The following CTDP1 variants were observed in gnomAD, a reference collection of about 807,000 sequenced individuals.
CTDP1 encodes the protein RNA polymerase II subunit A C-terminal domain phosphatase.
A neutral mutation model predicts 91.8 loss-of-function variants in CTDP1; 47 were observed. That is an observed-to-expected ratio of 0.51 (90% CI 0.41 to 0.65). The LOEUF is 0.65. Ranked by LOEUF, CTDP1 falls within the 30% of genes least tolerant of loss-of-function variation. The probability of loss-of-function intolerance (pLI) is 0.00; values close to 1 mark genes in which losing one functional copy is unlikely to be tolerated. For synonymous variants in CTDP1, 656 were observed against 598.5 expected (o/e 1.10, Z -1.40); for missense variants, 1,272 against 1,373.7 (o/e 0.93, Z 1.17).
At chr18:79,725,465 C>G (rs2086427063) in intron 10 of CTDP1, among the ~76,000 whole-genome samples, 1 of 151,988 alleles carries the variant, frequency 6.6e-6, no homozygotes, top group African/African-American at 2.4e-5. Context: ...ACAGGACCTG[C>G]TGCGTTTGGG....
At chr18:79,734,581 C>T (rs1395489088) in intron 11 of CTDP1, among the ~76,000 whole-genome samples, 4 of 151,078 alleles carry the variant, frequency 2.6e-5, no homozygotes, top group Admixed American at 1.3e-4. Flanking sequence ...CCAGGTGGGG[C>T]GCCACACTAG....
At position 79,704,633 on chromosome 18, in the gene CTDP1, C is replaced by T. The variant is rs979296682; in HGVS notation, c.622-134C>T. 13 of 1,194,814 alleles carry T rather than the reference C, an allele frequency of 1.1e-5. No homozygotes were observed. The African/African-American group carries it at 1.8e-4, about 17-fold the overall frequency. 74.0% of individuals were successfully genotyped at this position (1,194,814 alleles called of 1,614,324 possible). A position where few individuals can be genotyped will look rare whatever the true frequency, so the allele number is the denominator to read the frequency against. The stretch of plus-strand genomic sequence containing the variant: ...GTGTGTCTTCAGGACGCCTGTCGGG[C>T]ACACGCGTGTCTTCAGAACGCTTGT... On this transcript the variant is annotated intron_variant, in intron 4 of 12. Transcript: ENST00000613122.
intron 10 of CTDP1, among the ~76,000 whole-genome samples, chr18:79,718,998 G>C (rs1568200234): frequency 6.6e-6 from 1 of 151,598 alleles, no homozygotes; most frequent in East Asian, 1.9e-4. Flanking sequence ...GCTGAGGCCT[G>C]GAGTGCATGG....
chr18:79,724,162 A>T (rs1371757541), intron 10 of CTDP1, among the ~76,000 whole-genome samples: 2 of 152,256 alleles, frequency 1.3e-5, no homozygotes, highest in African/African-American at 4.8e-5. Flanking sequence ...GGAAGTGCTC[A>T]TCAGAGCATT....
At chr18:79,723,868 C>G (rs2086394265) in intron 10 of CTDP1, among the ~76,000 whole-genome samples, 1 of 152,204 alleles carries the variant, frequency 6.6e-6, no homozygotes, top group Admixed American at 6.5e-5. Context: ...AGTCGGCAAC[C>G]TTCTGGAGTT....
intron 12 of CTDP1, among the ~76,000 whole-genome samples, chr18:79,746,385 G>A (rs1302865379): frequency 6.6e-6 from 1 of 152,092 alleles, no homozygotes; most frequent in South Asian, 2.1e-4. Context: ...CTGTCCGTGC[G>A]TCCCTCCCAT....
intron 6 of CTDP1, among the ~76,000 whole-genome samples, chr18:79,712,677 G>T (rs940423013): frequency 3.9e-5 from 6 of 152,222 alleles, no homozygotes; most frequent in Non-Finnish European, 7.3e-5. Flanking sequence ...CGCCCACACG[G>T]TCAGAGTTGG....
chr18:79,691,195 A>T (rs148770660), intron 1 of CTDP1, among the ~76,000 whole-genome samples: 184 of 151,924 alleles, frequency 1.2e-3, no homozygotes, highest in African/African-American at 3.4e-3. Flanking sequence ...CTCTCGTCTG[A>T]CTCGTATTAC....
chr18:79,718,278 G>A (rs1277832302), intron 10 of CTDP1, among the ~76,000 whole-genome samples: 2 of 152,136 alleles, frequency 1.3e-5, no homozygotes, highest in Non-Finnish European at 2.9e-5. Flanking sequence ...ACCCGCATGT[G>A]CCCACCTGTG....
At chr18:79,738,733 T>C (rs559464397) in intron 12 of CTDP1, among the ~76,000 whole-genome samples, 1 of 152,348 alleles carries the variant, frequency 6.6e-6, no homozygotes, top group East Asian at 1.9e-4. Context: ...TTTGCAGGAA[T>C]TACTTACAGA....
Position 79,697,966 on chromosome 18 carries a change from A to G in CTDP1, c.599A>G (p.His200Arg). ...DQTLIHTTEQ[H>R]CQQMSNKGIF... is the part of the protein sequence containing the mutation. ...ACGTTGATTCACACAACCGAGCAGC[A>G]CTGTCAGCAGATGTCGAATAAAGTG... The change falls in exon 4 of 13, where the codon CAC (histidine) becomes CGC (arginine). Residue 200 changes from histidine (H) to arginine (R), a missense_variant. Around this residue, in one of 3 missense-constraint regions of CTDP1, gnomAD observed 177 missense variants for 283.0 expected, o/e 0.63. Coordinates refer to ENST00000613122, the MANE Select transcript of CTDP1 (RefSeq NM_004715.5). 1 of 1,614,240 alleles carries G rather than the reference A, an allele frequency of 6.2e-7. No homozygotes were observed. The highest frequency in any genetic ancestry group is 8.5e-7 in the Non-Finnish European group (1 of 1,180,042).
chr18:79,724,852 C>T (rs2086413450), intron 10 of CTDP1, among the ~76,000 whole-genome samples: 2 of 152,280 alleles, frequency 1.3e-5, no homozygotes, highest in African/African-American at 4.8e-5. Context: ...GGTTTTCTGG[C>T]CCCAGCCGCA....
chr18:79,723,734 G>C (rs775004938), intron 10 of CTDP1, among the ~76,000 whole-genome samples: 4 of 152,192 alleles, frequency 2.6e-5, no homozygotes, highest in Non-Finnish European at 5.9e-5. Context: ...TCCAGACACA[G>C]AACCCTCACA....
intron 10 of CTDP1, among the ~76,000 whole-genome samples, chr18:79,722,789 CAT>C (rs2086370666): frequency 6.6e-6 from 1 of 152,190 alleles, no homozygotes. Context: ...CCAGGCTAGA[CAT>C]AGTGCTGGAA....
chr18:79,712,667 C>T (rs1048835581), intron 6 of CTDP1, among the ~76,000 whole-genome samples: 3 of 152,208 alleles, frequency 2.0e-5, no homozygotes, highest in Non-Finnish European at 4.4e-5. Flanking sequence ...AACATGGTCA[C>T]GCCCACACGG....
Position 79,696,040 on chromosome 18 carries a change from C to T in CTDP1, c.462C>T (p.His154=). The T allele has an allele frequency of 3.1e-6, 5 of 1,612,400 alleles. No individual in the cohort carries two copies. The highest frequency in any genetic ancestry group is 4.2e-6 in the Non-Finnish European group (5 of 1,180,012). The part of the protein sequence containing the change: ...PLSTATVSMV[H]SVPELMVSSE... Reference sequence around the variant, plus strand: ...CCACGGCGACCGTGTCCATGGTGCACAGCGTGCCGGAGTTGATGGTGAGCT... The same window carrying T: ...CCACGGCGACCGTGTCCATGGTGCATAGCGTGCCGGAGTTGATGGTGAGCT... The change falls in exon 3 of 13, where the codon CAC becomes CAT. Residue 154 remains histidine, a synonymous_variant. Coordinates refer to ENST00000613122, the MANE Select transcript of CTDP1 (RefSeq NM_004715.5).
chr18:79,719,469 A>G (rs2086289431), intron 10 of CTDP1, among the ~76,000 whole-genome samples: 1 of 152,186 alleles, frequency 6.6e-6, no homozygotes, highest in Admixed American at 6.5e-5. Context: ...CCCCAGCCAC[A>G]GAGATGATGT....
At chr18:79,686,385 A>G (rs2085493717) in intron 1 of CTDP1, among the ~76,000 whole-genome samples, 1 of 152,250 alleles carries the variant, frequency 6.6e-6, no homozygotes, top group African/African-American at 2.4e-5. Flanking sequence ...GTTGTCTCAG[A>G]AAAAAGTGCT....
At chr18:79,700,995 ATGG>A (rs1031471189) in intron 4 of CTDP1, among the ~76,000 whole-genome samples, 1 of 152,202 alleles carries the variant, frequency 6.6e-6, no homozygotes, top group African/African-American at 2.4e-5. Flanking sequence ...TGTTCACAGC[ATGG>A]TTTACTGACC....
Sources: allele counts gnomAD v4.1 joint callset (sites outside exome capture counted in the v4.1 genomes callset), GRCh38; gene constraint gnomAD v4.1.1; regional missense constraint gnomAD v4.1.1; transcripts MANE v1.5; gene names NCBI Gene and HGNC (gene_info 2026-07-23, HGNC 2026-07-21).